The following PSMA5 variants were observed in gnomAD, a reference collection of about 807,000 sequenced individuals.
PSMA5 encodes proteasome subunit alpha type-5.
In PSMA5, 3 loss-of-function variants were observed where a neutral mutation model predicts 34.5. The ratio of observed to expected loss-of-function variants is 0.09; its 90% CI spans 0.04 to 0.22. The LOEUF is 0.22. Among genes scored for constraint, PSMA5 ranks in the 10% least tolerant of loss-of-function variants. The pLI is 1.00. For missense variants in PSMA5, 120 were observed against 286.1 expected, an observed-to-expected ratio of 0.42 and a Z score of 4.19; for synonymous variants, 88 against 95.8, an observed-to-expected ratio of 0.92 and a Z score of 0.47.
At chr1:109,405,047 A>AT (rs1653692233) in intron 8 of PSMA5, among the ~76,000 whole-genome samples, 2 of 152,256 alleles carry the variant, frequency 1.3e-5, no homozygotes, top group Admixed American at 1.3e-4. Context: ...AGAACACGAC[A>AT]TATTTGCAAA....
At chr1:109,416,292 T>C (rs1033445724) in intron 2 of PSMA5, among the ~76,000 whole-genome samples, 1 of 152,212 alleles carries the variant, frequency 6.6e-6, no homozygotes, top group Non-Finnish European at 1.5e-5. Context: ...GCCTATAATA[T>C]ATCCAAATAA....
intron 8 of PSMA5, among the ~76,000 whole-genome samples, chr1:109,409,130 T>C (rs1470216935): frequency 1.3e-5 from 2 of 152,180 alleles, no homozygotes; most frequent in African/African-American, 2.4e-5. Context: ...ATACTATTGT[T>C]TTCTCCACTC....
At chr1:109,424,714 C>T (rs1485256500) in intron 1 of PSMA5, among the ~76,000 whole-genome samples, 4 of 152,014 alleles carry the variant, frequency 2.6e-5, no homozygotes, top group African/African-American at 9.7e-5. Flanking sequence ...GCAGGCCAGG[C>T]GCGGTGGCTC....
intron 4 of PSMA5, 44 bp downstream of exon 4, chr1:109,413,024 G>C (rs202111146): frequency 1.2e-5 from 19 of 1,528,986 alleles, no homozygotes; most frequent in Non-Finnish European, 1.6e-5. Context: ...CACTAAACAA[G>C]GAACTCAAGC....
At chr1:109,415,216 C>T (rs1442967645) in intron 3 of PSMA5, 21 bp downstream of exon 3, 1 of 1,607,964 alleles carries the variant, frequency 6.2e-7, no homozygotes, top group Non-Finnish European at 8.5e-7. Flanking sequence ...TCCTACAGAA[C>T]AGCTTTCCTC....
intron 1 of PSMA5, among the ~76,000 whole-genome samples, chr1:109,422,317 C>A (rs1188063945): frequency 6.6e-6 from 1 of 152,146 alleles, no homozygotes; most frequent in Non-Finnish European, 1.5e-5. Flanking sequence ...CCATAACATG[C>A]ATATGACGTT....
At chr1:109,412,845 A>G (rs1274425338) in intron 4 of PSMA5, 4 of 428,546 alleles carry the variant, frequency 9.3e-6, no homozygotes, top group Non-Finnish European at 1.7e-5. Context: ...AAAAAAAGGA[A>G]GACACTGTCA....
chr1:109,426,286 C>T lies in PSMA5; in HGVS notation c.29+16G>A. The T allele has an allele frequency of 6.2e-7, 1 of 1,614,128 alleles. No individual in the cohort carries two copies. Among genetic ancestry groups the T allele is most frequent in the South Asian group, 1.1e-5 (1 of 91,090 alleles). On this transcript the variant is annotated intron_variant, in intron 1 of 8. Transcript: ENST00000271308. ...CCACCCATAATTCCCACCCGACGTC[C>T]CCCAGCTGCACGGACCTGTCGTACT...
At chr1:109,411,181 A>C in intron 6 of PSMA5, 68 bp from the exon 7 acceptor site, 2 of 1,098,266 alleles carry the variant, frequency 1.8e-6, no homozygotes, top group Non-Finnish European at 2.7e-6. Context: ...CAAACGTCTC[A>C]CTAAAACAAA....
intron 8 of PSMA5, among the ~76,000 whole-genome samples, chr1:109,405,441 G>C (rs1304219294): frequency 8.5e-6 from 1 of 118,112 alleles, no homozygotes; most frequent in Non-Finnish European, 1.7e-5. Context: ...ATAGAAGTCA[G>C]AAAAGGTTTT....
intron 3 of PSMA5, among the ~76,000 whole-genome samples, chr1:109,413,941 G>A (rs1169191078): frequency 1.3e-5 from 2 of 152,118 alleles, no homozygotes; most frequent in Non-Finnish European, 2.9e-5. Flanking sequence ...TCCAGTTTCA[G>A]CCCTCTTTAG....
intron 8 of PSMA5, among the ~76,000 whole-genome samples, chr1:109,406,804 TG>T (rs1270546305): frequency 2.0e-5 from 3 of 152,184 alleles, no homozygotes; most frequent in Non-Finnish European, 2.9e-5. Flanking sequence ...ATATAATGAC[TG>T]GGGTGACAGA....
chr1:109,409,726 C>T (rs537789658), intron 8 of PSMA5, among the ~76,000 whole-genome samples: 3 of 152,006 alleles, frequency 2.0e-5, no homozygotes, highest in Non-Finnish European at 2.9e-5. Flanking sequence ...CCAGTCTGGG[C>T]AACACAGCAA....
In PSMA5 at chr1:109,410,022, CAAA is replaced by C; in HGVS notation, c.562-11_562-9del. On this transcript the variant is annotated splice_polypyrimidine_tract_variant and intron_variant, in intron 7 of 8. Transcript: ENST00000271308. The stretch of plus-strand genomic sequence containing the variant: ...TTCTTTCAAAGTCATAGACTTGAAA[CAAA>C]GAAGGCAAGAAGATGCCTATTAATT... 1 of 1,557,066 alleles carries C rather than the reference CAAA, an allele frequency of 6.4e-7. No homozygotes were observed. Among genetic ancestry groups the C allele is most frequent in the Non-Finnish European group, 8.8e-7 (1 of 1,135,074 alleles).
chr1:109,413,284 G>A, intron 3 of PSMA5, 149 bp from the exon 4 acceptor site: 1 of 676,586 alleles, frequency 1.5e-6, no homozygotes, highest in East Asian at 2.7e-5. Context: ...GATAGGAAAT[G>A]ATCTGCACTG....
intron 7 of PSMA5, 130 bp downstream of exon 7, chr1:109,410,881 G>T: frequency 1.5e-6 from 1 of 670,764 alleles, no homozygotes; most frequent in Non-Finnish European, 2.6e-6. Context: ...TTCTGGTGGT[G>T]ATGAAAGTGT....
At chr1:109,416,934 G>A (rs1487223932) in intron 2 of PSMA5, among the ~76,000 whole-genome samples, 1 of 152,088 alleles carries the variant, frequency 6.6e-6, no homozygotes, top group Admixed American at 6.5e-5. Flanking sequence ...GTGAAACCCT[G>A]TTTCTATAAA....
intron 8 of PSMA5, among the ~76,000 whole-genome samples, chr1:109,408,889 C>G (rs186082171): frequency 1.4e-3 from 218 of 152,138 alleles, no homozygotes; most frequent in South Asian, 3.3e-3. Context: ...TGGGGTTTCA[C>G]CATGTTGGGC....
chr1:109,426,044 T>G (rs1271800255), intron 1 of PSMA5: 10 of 573,774 alleles, frequency 1.7e-5, no homozygotes, highest in Non-Finnish European at 3.1e-5. Flanking sequence ...TCACGCCTTC[T>G]TTACCAAGCA....
Sources: gnomAD v4.1 joint callset for allele counts (sites outside exome capture counted in the v4.1 genomes callset) on GRCh38, gnomAD v4.1.1 for gene constraint, MANE v1.5 for transcripts, NCBI Gene and HGNC (gene_info 2026-07-23, HGNC 2026-07-21) for gene names.